TNS3: variants seen among roughly 807,000 people sequenced by gnomAD.
TNS3 encodes tensin 3.
Under a neutral mutation model 140.9 loss-of-function variants are expected in TNS3, and 45 were observed. That is an observed-to-expected ratio of 0.32 (90% CI 0.25 to 0.41). The LOEUF is 0.41. Among genes scored for constraint, TNS3 ranks in the 10% least tolerant of loss-of-function variants. The probability of loss-of-function intolerance (pLI) is 1.00; values close to 1 mark genes in which losing one functional copy is unlikely to be tolerated. For missense variants in TNS3, 1,716 were observed against 1,906.7 expected (o/e 0.90, Z 1.86); for synonymous variants, 815 against 788.4 (o/e 1.03, Z -0.56).
chr7:47,432,166 C>G (rs1417059821), intron 8 of TNS3, among the ~76,000 whole-genome samples: 1 of 152,158 alleles, frequency 6.6e-6, no homozygotes, highest in African/African-American at 2.4e-5. Flanking sequence ...TCCAATGTGG[C>G]AGTATTGAGT....
At chr7:47,425,239 C>T (rs150916878) in intron 9 of TNS3, among the ~76,000 whole-genome samples, 2,606 of 152,194 alleles carry the variant, frequency 0.017, 32 homozygotes, top group Middle Eastern at 0.11. Flanking sequence ...ATCACTTGAA[C>T]CCGGGAGGCA....
At chr7:47,282,013 C>A (rs1785170590) in intron 28 of TNS3, among the ~76,000 whole-genome samples, 1 of 151,204 alleles carries the variant, frequency 6.6e-6, no homozygotes, top group South Asian at 2.1e-4. Context: ...CCTGGCCATG[C>A]CCTGAGCCTG....
At chr7:47,581,756 C>G (rs1010221056) in intron 1 of TNS3, 1 of 150,630 alleles carries the variant, frequency 6.6e-6, no homozygotes, top group Non-Finnish European at 1.5e-5. Context: ...CCCCACGCGC[C>G]GCAAACCCCG....
intron 11 of TNS3, among the ~76,000 whole-genome samples, chr7:47,414,776 C>T (rs1793983041): frequency 6.6e-6 from 1 of 152,200 alleles, no homozygotes; most frequent in Admixed American, 6.5e-5. Flanking sequence ...ACCTCAAGGC[C>T]AACTGCACAG....
At chr7:47,475,639 G>C (rs1797168021) in intron 4 of TNS3, among the ~76,000 whole-genome samples, 1 of 152,246 alleles carries the variant, frequency 6.6e-6, no homozygotes. Context: ...CCTAGTGAAG[G>C]CTGCCCTGCA....
chr7:47,520,790 G>A (rs1338712349), intron 2 of TNS3, among the ~76,000 whole-genome samples: 1 of 152,182 alleles, frequency 6.6e-6, no homozygotes, highest in Non-Finnish European at 1.5e-5. Context: ...CACCTCTCTG[G>A]ATGGGGCAAG....
At chr7:47,422,875 A>G (rs1794450589) in intron 10 of TNS3, among the ~76,000 whole-genome samples, 2 of 152,086 alleles carry the variant, frequency 1.3e-5, no homozygotes, top group Admixed American at 1.3e-4. Flanking sequence ...GGTTCCAAAA[A>G]AAAACAAAAA....
intron 13 of TNS3, among the ~76,000 whole-genome samples, chr7:47,406,929 G>A (rs1039038808): frequency 6.6e-6 from 1 of 152,176 alleles, no homozygotes; most frequent in Non-Finnish European, 1.5e-5. Flanking sequence ...GAGCATGGCA[G>A]AGTGGGTCAC....
chr7:47,555,147 T>C (rs967311159), intron 1 of TNS3, among the ~76,000 whole-genome samples: 1 of 152,146 alleles, frequency 6.6e-6, no homozygotes, highest in African/African-American at 2.4e-5. Flanking sequence ...AAGCCTGTAA[T>C]CCCAGCACTT....
intron 20 of TNS3, among the ~76,000 whole-genome samples, chr7:47,310,917 G>C (rs905265428): frequency 1.3e-5 from 2 of 152,190 alleles, no homozygotes; most frequent in African/African-American, 2.4e-5. Context: ...TTTTATGGCT[G>C]CATAGTATTC....
chr7:47,282,597 G>GCT (rs1335191698), intron 28 of TNS3, among the ~76,000 whole-genome samples: 1 of 152,210 alleles, frequency 6.6e-6, no homozygotes, highest in African/African-American at 2.4e-5. Flanking sequence ...CAGGGCACTT[G>GCT]CTGAGTGCCC....
At chr7:47,470,763 G>C (rs139972784) in intron 4 of TNS3, 1 of 528,092 alleles carries the variant, frequency 1.9e-6, no homozygotes. Context: ...TTGTGCTCCC[G>C]GGTGGATGTA....
chr7:47,474,117 A>AACACACACACACACACACAC lies in TNS3; in HGVS notation c.-76+6966_-76+6985dup, dbSNP rs35049083. On this transcript the variant is annotated intron_variant, in intron 4 of 30. Transcript: ENST00000311160. ...AAGTAAAACATACTGAGCAAGTCTC[A>AACACACACACACACACACAC]ACACACACACACACACACACACACA... Among the ~76,000 whole-genome samples, 625 of 145,382 alleles carry AACACACACACACACACACAC rather than the reference A, an allele frequency of 4.3e-3. 1 individual carries two copies. Among genetic ancestry groups the AACACACACACACACACACAC allele is most frequent in the African/African-American group, 7.9e-3 (305 of 38,660 alleles).
At chr7:47,450,293 T>C (rs1457616049) in intron 4 of TNS3, among the ~76,000 whole-genome samples, 1 of 152,222 alleles carries the variant, frequency 6.6e-6, no homozygotes, top group Non-Finnish European at 1.5e-5. Flanking sequence ...CAGTGACATC[T>C]GCTCCTTCCC....
chr7:47,533,857 A>T (rs1346619615), intron 1 of TNS3, among the ~76,000 whole-genome samples: 1 of 152,108 alleles, frequency 6.6e-6, no homozygotes, highest in Non-Finnish European at 1.5e-5. Flanking sequence ...TTTCGAAATG[A>T]TTGTGAGGCC....
chr7:47,401,975 A>G (rs1332678183), intron 13 of TNS3, among the ~76,000 whole-genome samples: 2 of 152,162 alleles, frequency 1.3e-5, no homozygotes, highest in Non-Finnish European at 2.9e-5. Context: ...GTTCCCATAA[A>G]AGAGACTTTT....
intron 16 of TNS3, 158 bp downstream of exon 16, chr7:47,396,642 C>T: frequency 1.5e-6 from 1 of 674,856 alleles, no homozygotes; most frequent in East Asian, 2.5e-5. Flanking sequence ...ACCCTCAAAA[C>T]TCACAACTGT....
chr7:47,432,100 A>G (rs941559567), intron 8 of TNS3, among the ~76,000 whole-genome samples: 1 of 152,154 alleles, frequency 6.6e-6, no homozygotes, highest in Admixed American at 6.5e-5. Flanking sequence ...AAAAAGAGAA[A>G]ACTTCGCTAT....
chr7:47,380,291 T>C (rs2462631), intron 16 of TNS3, among the ~76,000 whole-genome samples: 72,720 of 152,136 alleles, frequency 0.48, 18,934 homozygotes, highest in Non-Finnish European at 0.59. Context: ...ATCTCAGGCC[T>C]CTGACTGGGC....
Sources: allele counts gnomAD v4.1 joint callset (sites outside exome capture counted in the v4.1 genomes callset), GRCh38; gene constraint gnomAD v4.1.1; transcripts MANE v1.5; gene names NCBI Gene and HGNC (gene_info 2026-07-23, HGNC 2026-07-21).